Variants in SPATA17 observed in about 807,000 individuals in gnomAD.
The protein encoded by SPATA17 is spermatogenesis-associated protein 17.
SPATA17 carries 53 observed loss-of-function variants against 62.2 expected under a neutral mutation model. That is an observed-to-expected ratio of 0.85 (90% CI 0.68 to 1.07). The LOEUF (loss-of-function observed/expected upper bound fraction) is 1.07. Among genes scored for constraint, SPATA17 ranks in the 50% least tolerant of loss-of-function variants. The pLI is 0.00. For missense variants in SPATA17, 466 were observed against 425.5 expected (o/e 1.10, Z -0.84); for synonymous variants, 146 against 146.8 (o/e 0.99, Z 0.04).
chr1:217,727,286 T>C lies in SPATA17; in HGVS notation c.396-14689T>C, dbSNP rs549289344. The stretch of plus-strand genomic sequence containing the variant: ...ATAATAATAATAATAATAATAATAA[T>C]AACAACAAAAAACTGTTATTCTTAT... On this transcript the variant is annotated intron_variant, in intron 5 of 10. Coordinates refer to ENST00000366933, the MANE Select transcript of SPATA17 (RefSeq NM_138796.4). 6.1e-3 allele frequency among the ~76,000 whole-genome samples: 879 copies of C among 143,222 alleles called. 13 individuals carry two copies. The highest frequency in any genetic ancestry group is 0.025 in the South Asian group (114 of 4,554). 94.0% of individuals were successfully genotyped at this position (143,222 alleles called of 152,430 possible). A position where few individuals can be genotyped will look rare whatever the true frequency, so the allele number is the denominator to read the frequency against.
intron 5 of SPATA17, among the ~76,000 whole-genome samples, chr1:217,701,936 G>A (rs905988974): frequency 6.6e-6 from 1 of 151,390 alleles, no homozygotes; most frequent in Non-Finnish European, 1.5e-5. Context: ...TGTGACTTTA[G>A]TTCTATCATC....
rs545021461 is a variant in SPATA17 at position 217,821,569 on chromosome 1, GA to G, written c.1005+19720del. On this transcript the variant is annotated intron_variant, in intron 9 of 10. Coordinates refer to ENST00000366933, the MANE Select transcript of SPATA17 (RefSeq NM_138796.4). ...CAATATGGGAGACTAGAGTTGGTTC[GA>G]TTAGGTAAATTTTAAAGGAGATACC... is the stretch of plus-strand genomic sequence containing the variant. 2.6e-5 allele frequency among the ~76,000 whole-genome samples: 4 copies of G among 152,122 alleles called. No individual in the cohort carries two copies. The South Asian group carries it at 8.3e-4, about 32-fold the overall frequency.
At chr1:217,806,876 G>A (rs1674447368) in intron 9 of SPATA17, among the ~76,000 whole-genome samples, 1 of 152,120 alleles carries the variant, frequency 6.6e-6, no homozygotes, top group South Asian at 2.1e-4. Context: ...ATGAGTGGTG[G>A]TGGGGGTGGC....
rs928410075 is a variant in SPATA17 at position 217,793,308 on chromosome 1, C to T, written c.873-8410C>T. Among the ~76,000 whole-genome samples, 8 of 151,002 alleles carry T rather than the reference C, an allele frequency of 5.3e-5. No homozygotes were observed. The East Asian group carries it at 1.4e-3, about 26-fold the overall frequency. ...CGATCTCGGCTCACTGCAAGCTCCG[C>T]CTTCCGGGTTGATGCCATTCTCCCG... On this transcript the variant is annotated intron_variant, in intron 8 of 10. Coordinates refer to ENST00000366933, the MANE Select transcript of SPATA17 (RefSeq NM_138796.4).
chr1:217,673,703 T>C (rs1670883205), intron 4 of SPATA17, among the ~76,000 whole-genome samples: 2 of 152,170 alleles, frequency 1.3e-5, no homozygotes, highest in Admixed American at 1.3e-4. Context: ...TTCTATATAG[T>C]GAGCACTTGG....
intron 9 of SPATA17, among the ~76,000 whole-genome samples, chr1:217,823,294 C>T (rs1220933809): frequency 3.9e-5 from 6 of 151,918 alleles, no homozygotes; most frequent in Non-Finnish European, 5.9e-5. Context: ...TTCTTTCCTG[C>T]CCTTTACTCA....
intron 6 of SPATA17, among the ~76,000 whole-genome samples, chr1:217,748,302 C>CAAAAAAA (rs61324067): frequency 9.4e-6 from 1 of 106,266 alleles, no homozygotes; most frequent in Non-Finnish European, 1.8e-5. Flanking sequence ...GACTCCATCT[C>CAAAAAAA]AAAAAAAAAA....
At chr1:217,846,299 G>A (rs1326226264) in intron 9 of SPATA17, among the ~76,000 whole-genome samples, 1 of 151,932 alleles carries the variant, frequency 6.6e-6, no homozygotes, top group Non-Finnish European at 1.5e-5. Flanking sequence ...GCTAAAGAAT[G>A]TTTTCATAAA....
intron 8 of SPATA17, among the ~76,000 whole-genome samples, chr1:217,794,417 T>G (rs1425801208): frequency 6.6e-6 from 1 of 152,190 alleles, no homozygotes; most frequent in Non-Finnish European, 1.5e-5. Context: ...AATTTAAGAT[T>G]TAATTTATCT....
chr1:217,754,266 TAC>T (rs1167631080), intron 6 of SPATA17, among the ~76,000 whole-genome samples: 2 of 152,112 alleles, frequency 1.3e-5, no homozygotes, highest in Non-Finnish European at 2.9e-5. Context: ...AAAAAAATCC[TAC>T]AGTTATTGTC....
In SPATA17 at chr1:217,782,222, T is replaced by C; in HGVS notation, c.772T>C (p.Leu258=). The change falls in exon 8 of 11, where the codon TTG becomes CTG. Residue 258 remains leucine, a synonymous_variant. Transcript: ENST00000366933. ...AGTATTAGAACAACGCTACAGGCCT[T>C]TGGAGCCAACGTTGCGGGTGGCAGA... ...TEVLEQRYRP[L]EPTLRVAEPI... is the part of the protein sequence containing the mutation. 6.2e-7 allele frequency: 1 copy of C among 1,612,904 alleles called. No homozygotes were observed. The highest frequency in any genetic ancestry group is 8.5e-7 in the Non-Finnish European group (1 of 1,179,310).
chr1:217,820,881 G>A (rs1361188806), intron 9 of SPATA17, among the ~76,000 whole-genome samples: 3 of 152,008 alleles, frequency 2.0e-5, no homozygotes, highest in Non-Finnish European at 4.4e-5. Flanking sequence ...TTAGCTCATA[G>A]TTCTGTAGGC....
chr1:217,685,226 G>T (rs1484651035), intron 5 of SPATA17, among the ~76,000 whole-genome samples: 1 of 152,262 alleles, frequency 6.6e-6, no homozygotes, highest in Middle Eastern at 3.4e-3. Flanking sequence ...ATAACCCCAA[G>T]AGTGAGTATG....
Position 217,797,117 on chromosome 1 carries a change from A to C in SPATA17, c.873-4601A>C, listed in dbSNP as rs6702886. Among the ~76,000 whole-genome samples the C allele has an allele frequency of 2.5e-3, 384 of 152,310 alleles. 1 individual carries two copies. Among genetic ancestry groups the C allele is most frequent in the African/African-American group, 9.0e-3 (376 of 41,566 alleles). The stretch of plus-strand genomic sequence containing the variant: ...ATTTCCAATTACACGTTCTTTCGAA[A>C]TGCTTTGCCTTAAAAAAGCTTGTGA... On this transcript the variant is annotated intron_variant, in intron 8 of 10. Coordinates refer to ENST00000366933, the MANE Select transcript of SPATA17 (RefSeq NM_138796.4).
intron 5 of SPATA17, among the ~76,000 whole-genome samples, chr1:217,693,119 C>T (rs927382728): frequency 1.4e-5 from 2 of 147,654 alleles, no homozygotes; most frequent in Non-Finnish European, 3.0e-5. Flanking sequence ...TCCATCTGGT[C>T]CTGGACTCTT....
chr1:217,649,860 C>T (rs906103745), intron 2 of SPATA17, among the ~76,000 whole-genome samples: 2 of 150,954 alleles, frequency 1.3e-5, no homozygotes, highest in African/African-American at 4.9e-5. Context: ...TGGAATTATC[C>T]TATATAAAAC....
intron 5 of SPATA17, among the ~76,000 whole-genome samples, chr1:217,732,846 C>T (rs1405091052): frequency 6.6e-6 from 1 of 152,138 alleles, no homozygotes; most frequent in East Asian, 1.9e-4. Flanking sequence ...GTAGTTATGT[C>T]ATTATTAATT....
At chr1:217,812,966 A>T (rs1674629829) in intron 9 of SPATA17, among the ~76,000 whole-genome samples, 1 of 152,202 alleles carries the variant, frequency 6.6e-6, no homozygotes, top group Non-Finnish European at 1.5e-5. Flanking sequence ...ACGTCTTATT[A>T]CAGGTGAATT....
At chr1:217,842,988 G>A (rs776137289) in intron 9 of SPATA17, among the ~76,000 whole-genome samples, 13 of 151,236 alleles carry the variant, frequency 8.6e-5, no homozygotes, top group Admixed American at 2.0e-4. Context: ...ATCTTGTTTA[G>A]AAGTATATTA....
Sources: allele counts gnomAD v4.1 joint callset (sites outside exome capture counted in the v4.1 genomes callset), GRCh38; gene constraint gnomAD v4.1.1; transcripts MANE v1.5; gene names NCBI Gene and HGNC (gene_info 2026-07-23, HGNC 2026-07-21).